The following PDK3 variants were observed in gnomAD, a reference collection of about 807,000 sequenced individuals.
PDK3 encodes pyruvate dehydrogenase kinase 3, also known as pyruvate dehydrogenase kinase, isozyme 3.
Under a neutral mutation model 32.0 loss-of-function variants are expected in PDK3, and 12 were observed. The ratio of observed to expected loss-of-function variants is 0.37; its 90% CI spans 0.24 to 0.61. The LOEUF is 0.61. PDK3 is among the 20% of genes least tolerant of loss of function. PDK3 has a pLI of 0.65. For missense variants in PDK3, 188 were observed against 316.9 expected, an observed-to-expected ratio of 0.59 and a Z score of 3.09; for synonymous variants, 122 against 116.3, an observed-to-expected ratio of 1.05 and a Z score of -0.31.
In PDK3 at chrX:24,540,889, C is replaced by CT. The variant is rs369307335; in HGVS notation, c.*1763dup. Reference sequence around the variant, plus strand: ...CTTTACATGCAAAGACCCTAGCTTCCTTTTTTTTTTTTTTTTTTTTTTTTT... The same window carrying CT: ...CTTTACATGCAAAGACCCTAGCTTCCTTTTTTTTTTTTTTTTTTTTTTTTTT... On this transcript the variant is annotated 3_prime_UTR_variant, in exon 12 of 12. Coordinates refer to the PDK3 transcript ENST00000568479. Among the ~76,000 whole-genome samples, 281 of 36,659 alleles carry CT rather than the reference C, an allele frequency of 7.7e-3. 79 individuals carry two copies. The highest frequency in any genetic ancestry group is 0.017 in the Middle Eastern group (1 of 60). The allele number at this position is 36,659 out of a possible 115,157, so 31.8% of individuals were successfully genotyped here.
chrX:24,494,866 G>T lies in PDK3; in HGVS notation c.231G>T (p.Val77=), dbSNP rs769270588. The change falls in exon 2 of 11, where the codon GTG becomes GTT. Residue 77 remains valine (V), a synonymous_variant. Coordinates refer to ENST00000379162, the MANE Select transcript of PDK3 (RefSeq NM_005391.5). ...LPDNLLNRPS[V]GLVQSWYMQS... is the part of the protein sequence containing the mutation. ...ATAATTTACTTAACCGCCCTTCAGT[G>T]GGATTGGTTCAGAGTTGGTAAGTAA... 9.1e-6 allele frequency: 11 copies of T among 1,206,105 alleles called. No homozygotes were observed. In the African/African-American group the frequency reaches 1.9e-4, roughly 21 times the overall value.
At chrX:24,536,108 C>G (rs1031566346), downstream of PDK3, among the ~76,000 whole-genome samples, 1 of 111,103 alleles carries the variant, frequency 9.0e-6, no homozygotes, top group Non-Finnish European at 1.9e-5. Flanking sequence ...TGCAGAATTA[C>G]ACTGAGACCC....
chrX:24,467,299 C>T (rs1217876253), intron 1 of PDK3, among the ~76,000 whole-genome samples: 1 of 112,028 alleles, frequency 8.9e-6, no homozygotes, highest in Admixed American at 9.4e-5. Context: ...TTGTATCAGG[C>T]GATCTTTAAA....
At chrX:24,526,667 G>A (rs149256648) in intron 7 of PDK3, among the ~76,000 whole-genome samples, 270 of 111,970 alleles carry the variant, frequency 2.4e-3, no homozygotes, top group African/African-American at 8.4e-3. Flanking sequence ...TAACCACACT[G>A]GTACATTAGT....
chrX:24,537,117 CTTTT>C (rs34294652), downstream of PDK3, among the ~76,000 whole-genome samples: 1 of 82,753 alleles, frequency 1.2e-5, no homozygotes. Flanking sequence ...CTTTTCTTTT[CTTTT>C]TTTTTTTTTT....
downstream of PDK3, among the ~76,000 whole-genome samples, chrX:24,536,050 G>A (rs756231183): frequency 5.9e-4 from 65 of 110,233 alleles, 1 homozygote; most frequent in Non-Finnish European, 1.2e-3. Context: ...GGAAAGGAAA[G>A]GAAAGAGCTA....
chrX:24,500,758 T>G (rs1921834937), intron 3 of PDK3, among the ~76,000 whole-genome samples: 1 of 111,699 alleles, frequency 9.0e-6, no homozygotes, highest in Non-Finnish European at 1.9e-5. Context: ...AGCAGGGAAA[T>G]CATTTTAGTA....
chrX:24,498,965 A>T (rs1442636752), intron 3 of PDK3, 65 bp downstream of exon 3: 2 of 663,377 alleles, frequency 3.0e-6, no homozygotes, highest in Non-Finnish European at 4.5e-6. Context: ...GGTAAATGTA[A>T]TTCAAGTCAT....
intron 3 of PDK3, 152 bp downstream of exon 3, chrX:24,499,052 T>G: frequency 2.8e-6 from 1 of 355,240 alleles, no homozygotes; most frequent in Non-Finnish European, 4.9e-6. Flanking sequence ...GAGTTTTTTT[T>G]TTTTAATTCG....
chrX:24,481,237 G>A (rs1370663123), intron 1 of PDK3, among the ~76,000 whole-genome samples: 1 of 110,580 alleles, frequency 9.0e-6, no homozygotes, highest in East Asian at 2.8e-4. Context: ...TAGAGACAGG[G>A]TTTCACCGTG....
At chrX:24,518,866 C>A in intron 5 of PDK3, 67 bp from the exon 6 acceptor site, 1 of 635,727 alleles carries the variant, frequency 1.6e-6, no homozygotes. Context: ...CACACACACA[C>A]ACACACACAC....
At chrX:24,523,855 C>T (rs1421899907) in intron 6 of PDK3, among the ~76,000 whole-genome samples, 1 of 111,521 alleles carries the variant, frequency 9.0e-6, no homozygotes, top group Non-Finnish European at 1.9e-5. Flanking sequence ...AATGGAGAGC[C>T]CCAGGGGGAT....
chrX:24,535,504 C>CAAAA (rs778785042), downstream of PDK3, among the ~76,000 whole-genome samples: 8 of 55,429 alleles, frequency 1.4e-4, no homozygotes, highest in Non-Finnish European at 1.6e-4. Context: ...GACTCCATCT[C>CAAAA]AAAAAAAAAA....
intron 1 of PDK3, among the ~76,000 whole-genome samples, chrX:24,477,752 C>G (rs892738412): frequency 9.0e-6 from 1 of 111,350 alleles, no homozygotes; most frequent in Admixed American, 9.6e-5. Flanking sequence ...CTCATTTTTA[C>G]CCTGTTCTGC....
At chrX:24,501,737 C>T (rs1921864701) in intron 3 of PDK3, among the ~76,000 whole-genome samples, 1 of 112,196 alleles carries the variant, frequency 8.9e-6, no homozygotes, top group Non-Finnish European at 1.9e-5. Flanking sequence ...AACAAACAAA[C>T]AGCTGTTCAC....
chrX:24,492,172 A>T (rs1403830469), intron 1 of PDK3, among the ~76,000 whole-genome samples: 3 of 112,547 alleles, frequency 2.7e-5, no homozygotes, highest in African/African-American at 9.7e-5. Flanking sequence ...CAGCAATTTT[A>T]TTGCATTTAA....
chrX:24,528,285 G>A, intron 9 of PDK3, 99 bp downstream of exon 9: 1 of 473,038 alleles, frequency 2.1e-6, no homozygotes, highest in Non-Finnish European at 3.7e-6. Context: ...TAGTGTAGTT[G>A]ATTTAGAAGG....
In PDK3 at chrX:24,465,464, G is replaced by T; in HGVS notation, c.9G>T (p.Leu3=). The stretch of plus-strand genomic sequence containing the variant: ...GCGCCGCCCGGGCGAGGATGCGGCT[G>T]TTCCGGTGGCTGCTGAAGCAGCCGG... MR[L]FRWLLKQPVP... The change falls in exon 1 of 11, where the codon CTG becomes CTT. Residue 3 remains leucine (L), a synonymous_variant. Transcript: ENST00000379162. 1.7e-6 allele frequency: 2 copies of T among 1,205,247 alleles called. No homozygotes were observed.
At chrX:24,523,996 A>C (rs1922462025) in intron 6 of PDK3, among the ~76,000 whole-genome samples, 1 of 112,390 alleles carries the variant, frequency 8.9e-6, no homozygotes, top group Non-Finnish European at 1.9e-5. Flanking sequence ...TAAACTTATC[A>C]GCTCTACTGT....
Sources: gnomAD v4.1 joint callset for allele counts (sites outside exome capture counted in the v4.1 genomes callset) on GRCh38, gnomAD v4.1.1 for gene constraint, MANE v1.5 for transcripts, NCBI Gene and HGNC (gene_info 2026-07-23, HGNC 2026-07-21) for gene names.